DLG2: variants seen among roughly 807,000 people sequenced by gnomAD.
The protein encoded by DLG2 is discs large MAGUK scaffold protein 2.
Under a neutral mutation model 132.5 loss-of-function variants are expected in DLG2, and 45 were observed. The ratio of observed to expected loss-of-function variants is 0.34; its 90% CI spans 0.27 to 0.44. DLG2 has a LOEUF of 0.44. Ranked by LOEUF, DLG2 falls within the 20% of genes least tolerant of loss-of-function variation. The pLI, the probability that DLG2 is intolerant of heterozygous loss-of-function variation, is 1.00. For synonymous variants in DLG2, 424 were observed against 419.6 expected (o/e 1.01, Z -0.13); for missense variants, 1,045 against 1,196.9 (o/e 0.87, Z 1.87).
intron 6 of DLG2, among the ~76,000 whole-genome samples, chr11:84,791,817 C>T (rs758948277): frequency 3.6e-4 from 54 of 151,976 alleles, no homozygotes; most frequent in African/African-American, 1.2e-3. Flanking sequence ...TTATCAGTTC[C>T]GATAGCTCTT....
At chr11:85,540,276 C>T (rs540966612) in intron 3 of DLG2, among the ~76,000 whole-genome samples, 15 of 152,220 alleles carry the variant, frequency 9.9e-5, no homozygotes, top group Admixed American at 6.5e-4. Context: ...TCCCCCCATC[C>T]TGTGCCCATA....
chr11:84,749,384 C>A (rs1222008719), intron 6 of DLG2, among the ~76,000 whole-genome samples: 1 of 152,138 alleles, frequency 6.6e-6, no homozygotes, highest in Non-Finnish European at 1.5e-5. Context: ...GCCATAACAA[C>A]GTTTTGGTCA....
intron 19 of DLG2, among the ~76,000 whole-genome samples, chr11:83,583,413 T>G (rs1447384801): frequency 2.6e-5 from 4 of 152,194 alleles, no homozygotes; most frequent in African/African-American, 7.2e-5. Context: ...TTAGGGGCAG[T>G]GTGGCATGGT....
intron 6 of DLG2, among the ~76,000 whole-genome samples, chr11:85,009,796 A>G (rs925846194): frequency 2.6e-5 from 4 of 152,070 alleles, no homozygotes; most frequent in Non-Finnish European, 5.9e-5. Flanking sequence ...AAATGCAGCA[A>G]TTAGAGTTTA....
chr11:83,475,663 C>T (rs1053396527), intron 22 of DLG2, among the ~76,000 whole-genome samples: 1 of 150,848 alleles, frequency 6.6e-6, no homozygotes. Flanking sequence ...AAGAGGCCAT[C>T]AGATACTCTG....
chr11:84,635,464 G>C (rs1165485515), intron 6 of DLG2, among the ~76,000 whole-genome samples: 3 of 152,042 alleles, frequency 2.0e-5, no homozygotes, highest in Non-Finnish European at 4.4e-5. Flanking sequence ...TTAGAACTTT[G>C]AGCATCTTCC....
At chr11:83,621,226 T>G (rs79075433) in intron 19 of DLG2, among the ~76,000 whole-genome samples, 5,642 of 152,232 alleles carry the variant, frequency 0.037, 357 homozygotes, top group African/African-American at 0.13. Context: ...AATTCTTACT[T>G]GGTGCAATTT....
chr11:84,850,097 G>T (rs1488548336), intron 6 of DLG2, among the ~76,000 whole-genome samples: 1 of 151,962 alleles, frequency 6.6e-6, no homozygotes, highest in Non-Finnish European at 1.5e-5. Context: ...ACTAATTAAT[G>T]CCCCTTGGTC....
intron 7 of DLG2, among the ~76,000 whole-genome samples, chr11:84,392,274 A>G (rs2098795110): frequency 6.6e-6 from 1 of 152,126 alleles, no homozygotes; most frequent in South Asian, 2.1e-4. Flanking sequence ...CTATGTTCTA[A>G]ATGCCTACTA....
At chr11:83,709,297 AC>A (rs922425332) in intron 18 of DLG2, among the ~76,000 whole-genome samples, 6 of 148,468 alleles carry the variant, frequency 4.0e-5, no homozygotes, top group African/African-American at 1.5e-4. Flanking sequence ...GTACATATAT[AC>A]ATATACGTAT....
chr11:85,247,864 A>G (rs2076213885), intron 4 of DLG2, among the ~76,000 whole-genome samples: 1 of 152,018 alleles, frequency 6.6e-6, no homozygotes, highest in South Asian at 2.1e-4. Context: ...TTCTATTTCA[A>G]TGTCTCAGCA....
At chr11:85,348,331 T>C (rs1481861582) in intron 3 of DLG2, among the ~76,000 whole-genome samples, 1 of 151,784 alleles carries the variant, frequency 6.6e-6, no homozygotes, top group Non-Finnish European at 1.5e-5. Context: ...CAAGTGATTC[T>C]TCAGCTTCAG....
intron 11 of DLG2, among the ~76,000 whole-genome samples, chr11:84,037,099 C>T (rs2095885945): frequency 6.6e-6 from 1 of 152,016 alleles, no homozygotes; most frequent in Non-Finnish European, 1.5e-5. Flanking sequence ...TTTGAAGCAG[C>T]GAGGAGATCC....
chr11:84,029,124 C>CT (rs568293709), intron 11 of DLG2, among the ~76,000 whole-genome samples: 44 of 152,158 alleles, frequency 2.9e-4, no homozygotes, highest in African/African-American at 8.9e-4. Context: ...ACCTATATTT[C>CT]TTTTCAAATT....
intron 4 of DLG2, among the ~76,000 whole-genome samples, chr11:85,242,220 G>A (rs550456591): frequency 1.5e-3 from 227 of 151,900 alleles, no homozygotes; most frequent in Middle Eastern, 3.4e-3. Flanking sequence ...TTAAACCATC[G>A]TCTTCTTGCA....
At chr11:84,787,669 C>T (rs2073142278) in intron 6 of DLG2, among the ~76,000 whole-genome samples, 1 of 152,056 alleles carries the variant, frequency 6.6e-6, no homozygotes, top group Non-Finnish European at 1.5e-5. Context: ...ATTTATTTTT[C>T]TGTGTCCAAT....
intron 6 of DLG2, among the ~76,000 whole-genome samples, chr11:84,572,778 G>A (rs988777107): frequency 3.9e-5 from 6 of 152,002 alleles, no homozygotes; most frequent in African/African-American, 1.4e-4. Flanking sequence ...AAAAAAACAG[G>A]CTTGCTTTGT....
intron 11 of DLG2, among the ~76,000 whole-genome samples, chr11:83,992,289 G>A (rs989530161): frequency 1.3e-5 from 2 of 152,052 alleles, no homozygotes; most frequent in Non-Finnish European, 2.9e-5. Flanking sequence ...TACAGAATAG[G>A]ACAAGTATAA....
chr11:85,298,274 T>C (rs1234953114), intron 3 of DLG2, among the ~76,000 whole-genome samples: 1 of 152,054 alleles, frequency 6.6e-6, no homozygotes, highest in Non-Finnish European at 1.5e-5. Context: ...GAACTCATGG[T>C]TTTCAATAGA....
Sources: gnomAD v4.1 joint callset for allele counts (sites outside exome capture counted in the v4.1 genomes callset) on GRCh38, gnomAD v4.1.1 for gene constraint, MANE v1.5 for transcripts, NCBI Gene and HGNC (gene_info 2026-07-23, HGNC 2026-07-21) for gene names.